The following CSMD1 variants were observed in gnomAD, a reference collection of about 807,000 sequenced individuals.
The protein encoded by CSMD1 is CUB and Sushi multiple domains 1, also known as CUB and sushi domain-containing protein 1.
A neutral mutation model predicts 417.5 loss-of-function variants in CSMD1; 213 were observed. The observed-to-expected ratio is 0.51, with a 90% CI of 0.46 to 0.57. The LOEUF (loss-of-function observed/expected upper bound fraction) is 0.57, where lower values mean the gene tolerates loss of function less well. CSMD1 is among the 20% of genes least tolerant of loss of function. The pLI, the probability that CSMD1 is intolerant of heterozygous loss-of-function variation, is 0.00. For missense variants in CSMD1, 6,923 were observed against 4,529.7 expected (o/e 1.53, Z -15.17); for synonymous variants, 2,862 against 1,736.8 (o/e 1.65, Z -16.11).
chr8:4,226,893 G>A lies in CSMD1; in HGVS notation c.415+193060C>T, dbSNP rs112480104. 6.7e-3 allele frequency among the ~76,000 whole-genome samples: 1,015 copies of A among 152,254 alleles called. 11 individuals carry two copies. Among genetic ancestry groups the A allele is most frequent in the African/African-American group, 0.023 (976 of 41,556 alleles). ...GGGAATAAGAAATACATATTTGAAC[G>A]TAAAGGATTTTTTGTTGTTGTTGTC... On this transcript the variant is annotated intron_variant, in intron 3 of 69. Coordinates refer to ENST00000635120, the MANE Select transcript of CSMD1 (RefSeq NM_033225.6).
chr8:3,544,771 G>T (rs565215488), intron 10 of CSMD1, among the ~76,000 whole-genome samples: 1 of 152,088 alleles, frequency 6.6e-6, no homozygotes, highest in Non-Finnish European at 1.5e-5. Context: ...CCAAATCTTA[G>T]AAATGTTGTT....
At chr8:4,945,354 A>G (rs1050211178) in intron 1 of CSMD1, among the ~76,000 whole-genome samples, 2 of 152,220 alleles carry the variant, frequency 1.3e-5, no homozygotes, top group Admixed American at 6.5e-5. Context: ...GTGAAGATAC[A>G]TAACACTTCT....
At chr8:3,831,413 G>T (rs888964971) in intron 5 of CSMD1, among the ~76,000 whole-genome samples, 1 of 152,010 alleles carries the variant, frequency 6.6e-6, no homozygotes, top group Non-Finnish European at 1.5e-5. Flanking sequence ...CCCTCACAAT[G>T]ACCAAAGCTA....
chr8:4,219,757 G>T (rs943865061), intron 3 of CSMD1, among the ~76,000 whole-genome samples: 6 of 152,008 alleles, frequency 3.9e-5, no homozygotes, highest in African/African-American at 1.4e-4. Flanking sequence ...TTCTTTTCCT[G>T]AAAATAATAT....
chr8:4,113,408 T>C (rs1244370625), intron 3 of CSMD1, among the ~76,000 whole-genome samples: 1 of 148,092 alleles, frequency 6.8e-6, no homozygotes, highest in Non-Finnish European at 1.5e-5. Context: ...TTTTTTTTTT[T>C]TTTTTTTTTT....
At chr8:4,800,377 G>C (rs1187165876) in intron 1 of CSMD1, among the ~76,000 whole-genome samples, 1 of 150,028 alleles carries the variant, frequency 6.7e-6, no homozygotes, top group South Asian at 2.1e-4. Flanking sequence ...GTTGCAGTGA[G>C]CTGAGATCAG....
At position 3,813,643 on chromosome 8, in the gene CSMD1, G is replaced by A. The variant is rs144285562; in HGVS notation, c.819-59601C>T. On this transcript the variant is annotated intron_variant, in intron 5 of 69. Coordinates refer to ENST00000635120, the MANE Select transcript of CSMD1 (RefSeq NM_033225.6). ...CTTTATGCAATAATGAACATATTAT[G>A]TTAATTATACAAAATTATTTAAGTG... is the stretch of plus-strand genomic sequence containing the variant. Among the ~76,000 whole-genome samples the A allele has an allele frequency of 2.5e-3, 387 of 152,182 alleles. 4 individuals are homozygous for A. The highest frequency in any genetic ancestry group is 8.7e-3 in the African/African-American group (360 of 41,526).
chr8:3,907,888 A>G (rs996039504), intron 5 of CSMD1, among the ~76,000 whole-genome samples: 2 of 152,212 alleles, frequency 1.3e-5, no homozygotes, highest in Non-Finnish European at 2.9e-5. Context: ...CTTCTTGAGA[A>G]TATTTCAGGG....
chr8:3,826,584 T>C (rs1802066913), intron 5 of CSMD1, among the ~76,000 whole-genome samples: 2 of 152,122 alleles, frequency 1.3e-5, no homozygotes, highest in Non-Finnish European at 2.9e-5. Context: ...GATTAACCAC[T>C]GGCCCAGCCC....
intron 7 of CSMD1, among the ~76,000 whole-genome samples, chr8:3,700,796 G>A (rs778729929): frequency 1.3e-5 from 2 of 152,106 alleles, no homozygotes; most frequent in East Asian, 1.9e-4. Flanking sequence ...TGCAAGGGTG[G>A]GAGCAAAGGA....
intron 3 of CSMD1, among the ~76,000 whole-genome samples, chr8:4,284,087 G>C (rs1190735212): frequency 2.0e-5 from 3 of 152,148 alleles, no homozygotes; most frequent in Non-Finnish European, 2.9e-5. Context: ...ACAAAAATTA[G>C]CTAGGCATGG....
At chr8:3,889,115 G>A (rs1806771064) in intron 5 of CSMD1, among the ~76,000 whole-genome samples, 1 of 151,888 alleles carries the variant, frequency 6.6e-6, no homozygotes. Flanking sequence ...CAAGTTAGAA[G>A]TTTTACTCCC....
intron 1 of CSMD1, among the ~76,000 whole-genome samples, chr8:4,833,717 C>T (rs184933921): frequency 2.0e-5 from 3 of 152,154 alleles, no homozygotes; most frequent in Non-Finnish European, 4.4e-5. Flanking sequence ...GAGGGTGACT[C>T]TTCAAACCTA....
chr8:4,261,456 C>G (rs539028979), intron 3 of CSMD1, among the ~76,000 whole-genome samples: 2 of 152,186 alleles, frequency 1.3e-5, no homozygotes, highest in Non-Finnish European at 2.9e-5. Flanking sequence ...ACTTCCAGTT[C>G]GAAGATGCAT....
chr8:4,306,382 C>G (rs1585198749), intron 3 of CSMD1, among the ~76,000 whole-genome samples: 1 of 128,228 alleles, frequency 7.8e-6, no homozygotes, highest in East Asian at 2.4e-4. Context: ...TCTGATAATG[C>G]TGGATTAAAA....
intron 6 of CSMD1, among the ~76,000 whole-genome samples, chr8:3,742,112 G>A (rs182742618): frequency 6.6e-5 from 10 of 151,678 alleles, no homozygotes; most frequent in African/African-American, 2.4e-4. Flanking sequence ...GAGGAATCCT[G>A]TCCATCAGTC....
At chr8:3,332,063 A>C (rs936139169) in intron 23 of CSMD1, among the ~76,000 whole-genome samples, 1 of 152,260 alleles carries the variant, frequency 6.6e-6, no homozygotes, top group Non-Finnish European at 1.5e-5. Context: ...TTATCAATCA[A>C]TAGATGATCA....
At chr8:4,810,319 T>G (rs1296489314) in intron 1 of CSMD1, among the ~76,000 whole-genome samples, 1 of 152,244 alleles carries the variant, frequency 6.6e-6, no homozygotes, top group South Asian at 2.1e-4. Context: ...GTTCCTCAAC[T>G]TATTTTTCTT....
At chr8:4,298,248 C>G (rs1585183223) in intron 3 of CSMD1, among the ~76,000 whole-genome samples, 1 of 152,128 alleles carries the variant, frequency 6.6e-6, no homozygotes, top group East Asian at 1.9e-4. Flanking sequence ...GCAATTAAAA[C>G]TAAAAACACA....
Sources: gnomAD v4.1 joint callset for allele counts (sites outside exome capture counted in the v4.1 genomes callset) on GRCh38, gnomAD v4.1.1 for gene constraint, MANE v1.5 for transcripts, NCBI Gene and HGNC (gene_info 2026-07-23, HGNC 2026-07-21) for gene names.